DOCK3: variants seen among roughly 807,000 people sequenced by gnomAD.
DOCK3 encodes the protein dedicator of cytokinesis protein 3.
DOCK3 carries 60 observed loss-of-function variants against 265.6 expected under a neutral mutation model. The observed-to-expected ratio is 0.23, with a 90% CI of 0.18 to 0.28. The LOEUF (loss-of-function observed/expected upper bound fraction) is 0.28, where lower values mean the gene tolerates loss of function less well. DOCK3 is among the 10% of genes least tolerant of loss of function. DOCK3 has a pLI of 1.00. For synonymous variants in DOCK3, 881 were observed against 938.0 expected, an observed-to-expected ratio of 0.94 and a Z score of 1.11; for missense variants, 1,981 against 2,594.3, an observed-to-expected ratio of 0.76 and a Z score of 5.14.
chr3:51,050,691 G>A (rs2109112563), intron 5 of DOCK3, among the ~76,000 whole-genome samples: 2 of 152,288 alleles, frequency 1.3e-5, no homozygotes, highest in Non-Finnish European at 2.9e-5. Context: ...CAGGCAGAGA[G>A]TGAATTGACC....
intron 1 of DOCK3, among the ~76,000 whole-genome samples, chr3:50,728,582 G>A (rs1171075485): frequency 6.6e-6 from 1 of 152,068 alleles, no homozygotes; most frequent in Non-Finnish European, 1.5e-5. Flanking sequence ...AAAAAACAGG[G>A]AAGACATGTT....
chr3:51,172,585 G>A (rs1202237241), intron 12 of DOCK3, among the ~76,000 whole-genome samples: 1 of 152,172 alleles, frequency 6.6e-6, no homozygotes, highest in African/African-American at 2.4e-5. Flanking sequence ...TCTTTAGAAT[G>A]GAGAATTTGG....
At chr3:51,362,454 A>G in intron 48 of DOCK3, 73 bp from the exon 49 acceptor site, 1 of 1,598,656 alleles carries the variant, frequency 6.3e-7, no homozygotes, top group South Asian at 1.1e-5. Context: ...GGGCATGAAA[A>G]AGCAAACTCT....
At chr3:50,959,554 G>GTA (rs1235875533) in intron 5 of DOCK3, among the ~76,000 whole-genome samples, 135 of 143,082 alleles carry the variant, frequency 9.4e-4, no homozygotes, top group African/African-American at 3.3e-3. Context: ...GTGTGTGTGT[G>GTA]TGTGTATATA....
rs562169769 is a variant in DOCK3, at chr3:51,381,866, C to T, written c.*307C>T. On this transcript the variant is annotated 3_prime_UTR_variant, in exon 53 of 53. Transcript: ENST00000266037. The surrounding 1 kb of genome is among the most constrained non-coding windows in gnomAD (Gnocchi z 5.6). ...TGCAGTTCTGGACCATGTGGAGCTA[C>T]ATGGAGAAATTGCACAGACAGAATC... The T allele has an allele frequency of 2.1e-5, 6 of 285,274 alleles. No homozygotes were observed. Among genetic ancestry groups the T allele is most frequent in the Non-Finnish European group, 3.9e-5 (6 of 153,404 alleles). The allele number at this position is 285,274 out of a possible 1,614,324, so 17.7% of individuals were successfully genotyped here. A position where few individuals can be genotyped will look rare whatever the true frequency, so the allele number is the denominator to read the frequency against.
At chr3:51,312,337 C>CA (rs1174527129) in intron 29 of DOCK3, 139 bp from the exon 30 acceptor site, 2 of 892,790 alleles carry the variant, frequency 2.2e-6, no homozygotes, top group African/African-American at 3.4e-5. Context: ...TTCTTGTTTG[C>CA]AAAGATATTT....
At position 51,180,225 on chromosome 3, in the gene DOCK3, A is replaced by AACACAC. The variant is rs1553780899; in HGVS notation, c.1037+19535_1037+19540dup. ...CCTGTCTCAAAAAAAAAAAAAAAAA[A>AACACAC]ACACACACACACACACAAGTGCCAC... On this transcript the variant is annotated intron_variant, in intron 12 of 52. Transcript: ENST00000266037. Among the ~76,000 whole-genome samples, 159 of 145,564 alleles carry AACACAC rather than the reference A, an allele frequency of 1.1e-3. 6 individuals carry two copies. Among genetic ancestry groups the AACACAC allele is most frequent in the East Asian group, 7.5e-3 (34 of 4,558 alleles).
chr3:50,686,144 T>A (rs1338279594), intron 1 of DOCK3, among the ~76,000 whole-genome samples: 1 of 151,980 alleles, frequency 6.6e-6, no homozygotes, highest in Non-Finnish European at 1.5e-5. Context: ...ATGGGAGCCC[T>A]GAACTTGTTT....
intron 1 of DOCK3, among the ~76,000 whole-genome samples, chr3:50,736,350 A>G (rs1308742740): frequency 2.6e-5 from 4 of 152,280 alleles, no homozygotes; most frequent in African/African-American, 9.6e-5. Context: ...GAATAGTGCC[A>G]CAATAAACAT....
chr3:50,903,747 C>T (rs938631768), intron 4 of DOCK3, among the ~76,000 whole-genome samples: 1 of 151,662 alleles, frequency 6.6e-6, no homozygotes, highest in African/African-American at 2.4e-5. Flanking sequence ...ATGGTACCAG[C>T]TCTTTTTTTT....
At chr3:51,231,099 G>A (rs375935855) in intron 19 of DOCK3, among the ~76,000 whole-genome samples, 2 of 145,290 alleles carry the variant, frequency 1.4e-5, no homozygotes, top group African/African-American at 5.1e-5. Flanking sequence ...CTGCAGCTTC[G>A]CCAGCATCTG....
chr3:50,780,484 C>G (rs571592097), intron 2 of DOCK3, among the ~76,000 whole-genome samples: 1 of 152,234 alleles, frequency 6.6e-6, no homozygotes, highest in South Asian at 2.1e-4. Flanking sequence ...CAAAGAGAAG[C>G]CTGTACGTGC....
chr3:50,950,213 A>G (rs1367571852), intron 5 of DOCK3, among the ~76,000 whole-genome samples: 1 of 152,076 alleles, frequency 6.6e-6, no homozygotes, highest in Non-Finnish European at 1.5e-5. Context: ...CCCATTTTAT[A>G]TTCTGTATCT....
intron 5 of DOCK3, among the ~76,000 whole-genome samples, chr3:51,043,815 G>T (rs1025504743): frequency 1.3e-5 from 2 of 151,870 alleles, no homozygotes; most frequent in Non-Finnish European, 2.9e-5. Context: ...GCCAACAATC[G>T]TATGTAAAAA....
chr3:51,228,084 A>G lies in DOCK3; in HGVS notation c.1643A>G (p.Tyr548Cys). 1 of 1,613,958 alleles carries G rather than the reference A, an allele frequency of 6.2e-7. No individual in the cohort carries two copies. Among genetic ancestry groups the G allele is most frequent in the Non-Finnish European group, 8.5e-7 (1 of 1,179,846 alleles). ...LSDDIHELYV[Y>C]KCDENSTFNN... ...GATGATATTCACGAGCTTTATGTGT[A>G]CAAGGTATGAAGCCTAGCTGCCTTT... Residue 548 changes from tyrosine to cysteine, a missense_variant, in exon 17 of 53, where the codon TAC becomes TGC. Coordinates refer to ENST00000266037, the MANE Select transcript of DOCK3 (RefSeq NM_004947.5).
At chr3:50,708,292 G>A (rs2036543721) in intron 1 of DOCK3, among the ~76,000 whole-genome samples, 1 of 152,164 alleles carries the variant, frequency 6.6e-6, no homozygotes, top group Non-Finnish European at 1.5e-5. Flanking sequence ...TGGCTCTCAG[G>A]CTGTGGGGAG....
intron 16 of DOCK3, 44 bp from the exon 17 acceptor site, chr3:51,227,938 A>C (rs1302618519): frequency 1.0e-5 from 16 of 1,583,684 alleles, no homozygotes; most frequent in Middle Eastern, 1.7e-4. Context: ...ATGAGGAAGC[A>C]GAGTGGAAGG....
chr3:51,097,059 G>A (rs1368168837), intron 9 of DOCK3, among the ~76,000 whole-genome samples: 2 of 152,226 alleles, frequency 1.3e-5, no homozygotes, highest in African/African-American at 4.8e-5. Context: ...GCTGGGAGGT[G>A]TCTCCCAGTC....
chr3:51,220,585 A>T (rs1298057203), intron 14 of DOCK3, among the ~76,000 whole-genome samples: 1 of 149,716 alleles, frequency 6.7e-6, no homozygotes, highest in Non-Finnish European at 1.5e-5. Flanking sequence ...TGAACCCGGT[A>T]GGTGGAGGTT....
Sources: allele counts gnomAD v4.1 joint callset (sites outside exome capture counted in the v4.1 genomes callset), GRCh38; gene constraint gnomAD v4.1.1; non-coding constraint Gnocchi (gnomAD v3.1); transcripts MANE v1.5; gene names NCBI Gene and HGNC (gene_info 2026-07-23, HGNC 2026-07-21).